Variants in RAI1 observed in about 807,000 individuals in gnomAD.
The protein encoded by RAI1 is retinoic acid induced 1.
Under a neutral mutation model 123.8 loss-of-function variants are expected in RAI1, and 9 were observed. The observed-to-expected ratio is 0.07, with a 90% CI of 0.04 to 0.13. RAI1 has a LOEUF of 0.13. Ranked by LOEUF, RAI1 falls within the 10% of genes least tolerant of loss-of-function variation. RAI1 has a pLI of 1.00. For missense variants in RAI1, 2,256 were observed against 2,545.8 expected, an observed-to-expected ratio of 0.89 and a Z score of 2.45; for synonymous variants, 1,231 against 1,127.3, an observed-to-expected ratio of 1.09 and a Z score of -1.84.
At chr17:17,778,949 GCA>G (rs1332912800) in intron 2 of RAI1, 2 of 456,568 alleles carry the variant, frequency 4.4e-6, no homozygotes, top group Non-Finnish European at 8.8e-6. Context: ...AGGGGCCAGT[GCA>G]CAGAGTATTC....
intron 1 of RAI1, 149 bp downstream of exon 1, chr17:17,681,942 G>C (rs940332276): frequency 1.7e-5 from 4 of 233,660 alleles, no homozygotes; most frequent in Non-Finnish European, 8.3e-6. Context: ...TGGGGTCCGC[G>C]GGGTCCTTGC....
At chr17:17,779,044 C>T (rs1261002417) in intron 2 of RAI1, 1 of 378,292 alleles carries the variant, frequency 2.6e-6, no homozygotes, top group East Asian at 7.3e-5. Flanking sequence ...CCCAGTTGCC[C>T]TCGCCTGGTT....
chr17:17,699,370 C>T (rs372747735), intron 1 of RAI1, among the ~76,000 whole-genome samples: 87 of 152,366 alleles, frequency 5.7e-4, no homozygotes, highest in Middle Eastern at 3.4e-3. Context: ...GGCCCTTTTG[C>T]TCTCACAGAG....
chr17:17,794,752 C>G lies in RAI1; in HGVS notation c.1804C>G (p.Leu602Val), dbSNP rs1424603863. ...RDCPRLLLSA[L>V]AQEDLASEIL... ...CTGTCCGCGGCTGCTGCTCAGCGCCCTGGCACAGGAGGACCTGGCCTCCGA... is the reference window on the plus strand; with the variant it reads ...CTGTCCGCGGCTGCTGCTCAGCGCCGTGGCACAGGAGGACCTGGCCTCCGA... Residue 602 changes from leucine (L) to valine (V), a missense_variant, in exon 3 of 6, where the codon CTG (leucine) becomes GTG (valine). Physicochemically the swap from Leu to Val is conservative, Grantham distance 32. Coordinates refer to ENST00000353383, the MANE Select transcript of RAI1 (RefSeq NM_030665.4). 3.1e-6 allele frequency: 5 copies of G among 1,612,686 alleles called. No individual in the cohort carries two copies. The highest frequency in any genetic ancestry group is 1.3e-5 in the African/African-American group (1 of 74,964).
At chr17:17,726,365 AG>A (rs1419396218) in intron 2 of RAI1, among the ~76,000 whole-genome samples, 3 of 152,322 alleles carry the variant, frequency 2.0e-5, no homozygotes, top group Admixed American at 2.0e-4. Context: ...TTGGACCATG[AG>A]ACCCTAGTGG....
intron 2 of RAI1, among the ~76,000 whole-genome samples, chr17:17,736,895 A>C: frequency 6.6e-6 from 1 of 152,284 alleles, no homozygotes; most frequent in Non-Finnish European, 1.5e-5. Flanking sequence ...CTGGAAATAA[A>C]ATAGGGCACT....
intron 2 of RAI1, among the ~76,000 whole-genome samples, chr17:17,744,513 G>A (rs1290253487): frequency 6.6e-5 from 10 of 152,154 alleles, no homozygotes; most frequent in African/African-American, 2.4e-4. Flanking sequence ...GGAAGGCCGG[G>A]CACGGTGGGT....
chr17:17,809,093 G>GGGAGGGAC lies in RAI1; in HGVS notation c.5660-296_5660-289dup. On this transcript the variant is annotated intron_variant, in intron 4 of 5. Transcript: ENST00000353383. This position sits in a 1 kb window ranked among gnomAD's most constrained non-coding sequence, Gnocchi z 4.9. ...GGCTGGCAGAGTAAGGCGGGAGGGA[G>GGGAGGGAC]GGAGGGACTGAGGGACTGCCTCAAG... The GGGAGGGAC allele has an allele frequency of 2.0e-6, 1 of 499,094 alleles. No individual in the cohort carries two copies. The highest frequency in any genetic ancestry group is 3.7e-6 in the Non-Finnish European group (1 of 271,420). 30.9% of individuals were successfully genotyped at this position (499,094 alleles called of 1,614,324 possible). A position where few individuals can be genotyped will look rare whatever the true frequency, so the allele number is the denominator to read the frequency against.
intron 1 of RAI1, among the ~76,000 whole-genome samples, chr17:17,711,515 G>A (rs1180385038): frequency 6.6e-6 from 1 of 152,210 alleles, no homozygotes; most frequent in African/African-American, 2.4e-5. Flanking sequence ...GGGCTGGGGA[G>A]GCTGGGATGG....
chr17:17,682,541 C>G (rs1042538853), intron 1 of RAI1: 1 of 152,206 alleles, frequency 6.6e-6, no homozygotes, highest in South Asian at 2.1e-4. Flanking sequence ...CGAGGCCGGC[C>G]CCCCCTCTCA....
intron 2 of RAI1, chr17:17,778,934 G>A (rs1317224269): frequency 2.2e-6 from 1 of 457,030 alleles, no homozygotes; most frequent in Admixed American, 2.3e-5. Flanking sequence ...GCGGGGCCTG[G>A]GAAGAGGGGC....
rs1156772368 is a variant in RAI1 at position 17,801,113 on chromosome 17, C to G, written c.5565+2600C>G. The stretch of plus-strand genomic sequence containing the variant: ...ACCTCTGAGCCAGCTCTCAGGGATA[C>G]CTTTTTTCCTCGATGGCCTTTTCTG... On this transcript the variant is annotated intron_variant, in intron 3 of 5. Coordinates refer to ENST00000353383, the MANE Select transcript of RAI1 (RefSeq NM_030665.4). The surrounding 1 kb of genome is among the most constrained non-coding windows in gnomAD (Gnocchi z 4.1). 6.6e-6 allele frequency among the ~76,000 whole-genome samples: 1 copy of G among 152,222 alleles called. No individual in the cohort carries two copies. Among genetic ancestry groups the G allele is most frequent in the East Asian group, 1.9e-4 (1 of 5,196 alleles).
In RAI1 at chr17:17,800,194, C is replaced by CTCTG. The variant is rs1567932578; in HGVS notation, c.5565+1684_5565+1685insGTCT. Among the ~76,000 whole-genome samples the CTCTG allele has an allele frequency of 9.3e-5, 12 of 128,384 alleles. No homozygotes were observed. Among genetic ancestry groups the CTCTG allele is most frequent in the Non-Finnish European group, 1.9e-4 (11 of 58,962 alleles). The allele number at this position is 128,384 out of a possible 152,430, so 84.2% of individuals were successfully genotyped here. On this transcript the variant is annotated intron_variant, in intron 3 of 5. Transcript: ENST00000353383. The surrounding 1 kb of genome is among the most constrained non-coding windows in gnomAD (Gnocchi z 4.7). ...TGTCTCTCTCTGTCTCTCTCTCTCT[C>CTCTG]TCTCTCTCTCTCTCTCTCTCTCTCT...
At chr17:17,770,089 T>C (rs1227444778) in intron 2 of RAI1, among the ~76,000 whole-genome samples, 1 of 150,262 alleles carries the variant, frequency 6.7e-6, no homozygotes, top group East Asian at 2.0e-4. Context: ...AGGCCTGTGA[T>C]GGGAGGGGCG....
At chr17:17,780,823 C>T (rs570505194) in intron 2 of RAI1, among the ~76,000 whole-genome samples, 2 of 152,308 alleles carry the variant, frequency 1.3e-5, no homozygotes, top group East Asian at 1.9e-4. Flanking sequence ...CCCTTGAGAA[C>T]CCCCACTCTG....
intron 2 of RAI1, among the ~76,000 whole-genome samples, chr17:17,779,901 G>C (rs1164716737): frequency 6.7e-6 from 1 of 149,352 alleles, no homozygotes; most frequent in African/African-American, 2.5e-5. Flanking sequence ...TCAGCCTCCT[G>C]CATAGCTGGG....
chr17:17,796,708 A>G lies in RAI1; in HGVS notation c.3760A>G (p.Asn1254Asp), dbSNP rs2032268470. 6.2e-7 allele frequency: 1 copy of G among 1,613,466 alleles called. No homozygotes were observed. The highest frequency in any genetic ancestry group is 8.5e-7 in the Non-Finnish European group (1 of 1,179,890). The change falls in exon 3 of 6, where the codon AAT (asparagine) becomes GAT (aspartate). Residue 1254 changes from asparagine to aspartate, a missense_variant. Physicochemically the swap from Asn to Asp is conservative, Grantham distance 23. Coordinates refer to ENST00000353383, the MANE Select transcript of RAI1 (RefSeq NM_030665.4). The surrounding 1 kb of genome is among the most constrained non-coding windows in gnomAD (Gnocchi z 5.8). ...RSSSSSNASG[N>D]GGDGKEERPE... ...CAGCAGCAGCAGCAACGCCAGTGGC[A>G]ATGGGGGAGATGGGAAGGAGGAGAG...
chr17:17,725,450 TCTC>T (rs1373827908), intron 2 of RAI1, among the ~76,000 whole-genome samples: 1 of 151,956 alleles, frequency 6.6e-6, no homozygotes, highest in Non-Finnish European at 1.5e-5. Context: ...GGTGGGAACT[TCTC>T]CTTTCCCATT....
chr17:17,693,494 C>T (rs1348749937), intron 1 of RAI1, among the ~76,000 whole-genome samples: 2 of 152,236 alleles, frequency 1.3e-5, no homozygotes, highest in African/African-American at 2.4e-5. Flanking sequence ...TAAGATGCTG[C>T]GAGGGGGCTC....
Sources: allele counts gnomAD v4.1 joint callset (sites outside exome capture counted in the v4.1 genomes callset), GRCh38; gene constraint gnomAD v4.1.1; non-coding constraint Gnocchi (gnomAD v3.1); transcripts MANE v1.5; gene names NCBI Gene and HGNC (gene_info 2026-07-23, HGNC 2026-07-21).